The following CHD6 variants were observed in gnomAD, a reference collection of about 807,000 sequenced individuals.
CHD6 encodes chromodomain helicase DNA binding protein 6, also known as ATP-dependent chromatin remodeler CHD6.
CHD6 carries 50 observed loss-of-function variants against 276.9 expected under a neutral mutation model. That is an observed-to-expected ratio of 0.18 (90% CI 0.14 to 0.23). The LOEUF is 0.23. CHD6 is among the 10% of genes least tolerant of loss of function. The pLI, the probability that CHD6 is intolerant of heterozygous loss-of-function variation, is 1.00. For synonymous variants in CHD6, 1,173 were observed against 1,229.3 expected (o/e 0.95, Z 0.96); for missense variants, 2,564 against 3,365.8 (o/e 0.76, Z 5.89).
At chr20:41,453,649 A>G (rs1457787586) in intron 20 of CHD6, among the ~76,000 whole-genome samples, 1 of 152,024 alleles carries the variant, frequency 6.6e-6, no homozygotes, top group Non-Finnish European at 1.5e-5. Context: ...GCTTCCCAAC[A>G]CGGAAGGCTC....
chr20:41,576,798 A>G (rs1162299420), intron 1 of CHD6, among the ~76,000 whole-genome samples: 2 of 152,184 alleles, frequency 1.3e-5, no homozygotes, highest in South Asian at 2.1e-4. Context: ...ATAACATCCA[A>G]CTATTCAAAC....
intron 1 of CHD6, among the ~76,000 whole-genome samples, chr20:41,554,930 G>A (rs1379787065): frequency 2.6e-5 from 4 of 151,910 alleles, no homozygotes; most frequent in African/African-American, 9.7e-5. Context: ...CCAGGCAGAG[G>A]GGCTCCTCAC....
intron 20 of CHD6, among the ~76,000 whole-genome samples, chr20:41,453,737 T>C (rs542191352): frequency 1.3e-5 from 2 of 152,330 alleles, no homozygotes; most frequent in South Asian, 4.1e-4. Flanking sequence ...ACACAGTAGC[T>C]TCTTGATTGC....
Position 41,452,725 on chromosome 20 carries a change from A to G in CHD6, c.3323+15T>C. The G allele has an allele frequency of 6.2e-7, 1 of 1,607,986 alleles. No individual in the cohort carries two copies. Among genetic ancestry groups the G allele is most frequent in the Non-Finnish European group, 8.5e-7 (1 of 1,176,684 alleles). ...AACAACAATAACAACAAAACTAAGC[A>G]GAGCCAATACCCACCCAAAGATGAG... On this transcript the variant is annotated intron_variant, in intron 21 of 36. Coordinates refer to ENST00000373233, the MANE Select transcript of CHD6 (RefSeq NM_032221.5). The surrounding 1 kb of genome is among the most constrained non-coding windows in gnomAD (Gnocchi z 4.2).
chr20:41,563,778 A>C (rs2045327042), intron 1 of CHD6, among the ~76,000 whole-genome samples: 1 of 152,114 alleles, frequency 6.6e-6, no homozygotes, highest in Non-Finnish European at 1.5e-5. Flanking sequence ...ATGTCAATTG[A>C]CCCAGATCAG....
At chr20:41,502,390 T>G (rs1284346942) in intron 5 of CHD6, among the ~76,000 whole-genome samples, 1 of 152,230 alleles carries the variant, frequency 6.6e-6, no homozygotes, top group Non-Finnish European at 1.5e-5. Flanking sequence ...ATTTTATATT[T>G]ATAGCACATC....
chr20:41,432,160 C>CAAAAAAAAAAAAAAA (rs572447937), intron 27 of CHD6, among the ~76,000 whole-genome samples: 49 of 58,968 alleles, frequency 8.3e-4, no homozygotes, highest in South Asian at 1.3e-3. Context: ...AACTCCGTCT[C>CAAAAAAAAAAAAAAA]AAAAAAAAAA....
chr20:41,536,430 G>A (rs1003448059), intron 2 of CHD6, among the ~76,000 whole-genome samples: 1 of 152,126 alleles, frequency 6.6e-6, no homozygotes, highest in African/African-American at 2.4e-5. Flanking sequence ...TAGATAAACT[G>A]GATCAGGTCA....
chr20:41,598,832 C>T (rs1249774507), intron 1 of CHD6, among the ~76,000 whole-genome samples: 3 of 152,128 alleles, frequency 2.0e-5, no homozygotes, highest in Non-Finnish European at 4.4e-5. Flanking sequence ...TGTGGTGGAC[C>T]ACTATTGGGT....
intron 23 of CHD6, among the ~76,000 whole-genome samples, chr20:41,450,189 C>T (rs1362810218): frequency 2.0e-5 from 3 of 152,148 alleles, no homozygotes; most frequent in Admixed American, 1.3e-4. Context: ...TATAGGGAGA[C>T]GGGAAAACCC....
At chr20:41,527,907 G>A (rs2044583566) in intron 3 of CHD6, among the ~76,000 whole-genome samples, 3 of 152,246 alleles carry the variant, frequency 2.0e-5, no homozygotes, top group South Asian at 2.1e-4. Flanking sequence ...GCCCTCTCTC[G>A]TTAACATTTC....
intron 1 of CHD6, among the ~76,000 whole-genome samples, chr20:41,564,905 A>C (rs1440749148): frequency 6.6e-6 from 1 of 152,128 alleles, no homozygotes; most frequent in Non-Finnish European, 1.5e-5. Flanking sequence ...CCATTAATTG[A>C]AGATTTCTGA....
chr20:41,449,267 G>A (rs1434434640), intron 23 of CHD6, among the ~76,000 whole-genome samples: 1 of 152,140 alleles, frequency 6.6e-6, no homozygotes, highest in Non-Finnish European at 1.5e-5. Flanking sequence ...TACAACCACT[G>A]CCAATCCTTA....
At position 41,581,653 on chromosome 20, in the gene CHD6, C is replaced by A. The variant is rs112301373; in HGVS notation, c.-23-30293G>T. 2.9e-3 allele frequency among the ~76,000 whole-genome samples: 421 copies of A among 146,600 alleles called. 2 individuals are homozygous for A. Among genetic ancestry groups the A allele is most frequent in the African/African-American group, 0.01 (391 of 38,576 alleles). On this transcript the variant is annotated intron_variant, in intron 1 of 36. Coordinates refer to ENST00000373233, the MANE Select transcript of CHD6 (RefSeq NM_032221.5). The stretch of plus-strand genomic sequence containing the variant: ...ATCATGCCACTGTACTCCAGCCTGA[C>A]GACAGAGCGAGACTCCATCTCAAAA...
chr20:41,502,808 C>G (rs1048012691), intron 5 of CHD6, among the ~76,000 whole-genome samples: 14 of 152,138 alleles, frequency 9.2e-5, no homozygotes, highest in South Asian at 2.1e-4. Context: ...GAACTCGGGA[C>G]CAGCCTGGCC....
chr20:41,602,962 C>T (rs960857592), intron 1 of CHD6, among the ~76,000 whole-genome samples: 5 of 152,160 alleles, frequency 3.3e-5, no homozygotes, highest in African/African-American at 1.2e-4. Flanking sequence ...GGATTACAGG[C>T]ATGAGCCACC....
chr20:41,510,554 T>C (rs1286916318), intron 5 of CHD6, among the ~76,000 whole-genome samples: 1 of 152,242 alleles, frequency 6.6e-6, no homozygotes, highest in Non-Finnish European at 1.5e-5. Context: ...ATAATTCAGA[T>C]TCTAATTTAT....
intron 14 of CHD6, among the ~76,000 whole-genome samples, chr20:41,485,022 T>C (rs1030368631): frequency 1.3e-5 from 2 of 152,182 alleles, no homozygotes; most frequent in Non-Finnish European, 2.9e-5. Flanking sequence ...GCTGAGAGAA[T>C]GGAGTAAGAA....
At chr20:41,483,265 G>A (rs572638504) in intron 16 of CHD6, 44 bp downstream of exon 16, 13 of 1,503,306 alleles carry the variant, frequency 8.6e-6, no homozygotes, top group Non-Finnish European at 1.2e-5. Context: ...CAAAGGAAAG[G>A]AACTGTCCCA....
Sources: allele counts gnomAD v4.1 joint callset (sites outside exome capture counted in the v4.1 genomes callset), GRCh38; gene constraint gnomAD v4.1.1; non-coding constraint Gnocchi (gnomAD v3.1); transcripts MANE v1.5; gene names NCBI Gene and HGNC (gene_info 2026-07-23, HGNC 2026-07-21).